The following MAD1L1 variants were observed in gnomAD, a reference collection of about 807,000 sequenced individuals.
MAD1L1 encodes the protein mitotic arrest deficient 1 like 1.
A neutral mutation model predicts 96.9 loss-of-function variants in MAD1L1; 95 were observed. That is an observed-to-expected ratio of 0.98 (90% confidence interval 0.83 to 1.16). The LOEUF (loss-of-function observed/expected upper bound fraction) is 1.16. MAD1L1 is among the 50% of genes most tolerant of loss of function. The probability of loss-of-function intolerance (pLI) is 0.00; values close to 1 mark genes in which losing one functional copy is unlikely to be tolerated. For synonymous variants in MAD1L1, 473 were observed against 396.6 expected, an observed-to-expected ratio of 1.19 and a Z score of -2.29; for missense variants, 1,007 against 954.4, an observed-to-expected ratio of 1.06 and a Z score of -0.73.
intron 15 of MAD1L1, among the ~76,000 whole-genome samples, chr7:1,965,564 G>C (rs1214797655): frequency 6.6e-6 from 1 of 152,248 alleles, no homozygotes; most frequent in African/African-American, 2.4e-5. Context: ...GGCCGGAAAA[G>C]AAAGCCACTG....
intron 15 of MAD1L1, among the ~76,000 whole-genome samples, chr7:1,979,456 T>C (rs1378529922): frequency 1.3e-5 from 2 of 152,216 alleles, no homozygotes; most frequent in African/African-American, 2.4e-5. Flanking sequence ...TCTGGCAGGA[T>C]ACTCGGGTTG....
At chr7:2,188,152 C>T (rs958054394) in intron 10 of MAD1L1, among the ~76,000 whole-genome samples, 6 of 152,188 alleles carry the variant, frequency 3.9e-5, no homozygotes, top group Non-Finnish European at 8.8e-5. Context: ...ATTCAAAGTG[C>T]AAGAGACCAA....
At chr7:2,158,214 G>C (rs1789933520) in intron 10 of MAD1L1, among the ~76,000 whole-genome samples, 1 of 152,246 alleles carries the variant, frequency 6.6e-6, no homozygotes, top group Non-Finnish European at 1.5e-5. Context: ...GCTGTGGGGA[G>C]TCCGGCCTAC....
chr7:1,906,412 G>A (rs1464948789), intron 17 of MAD1L1, among the ~76,000 whole-genome samples: 1 of 152,200 alleles, frequency 6.6e-6, no homozygotes, highest in Non-Finnish European at 1.5e-5. Context: ...GGCTGCCACT[G>A]CAGCTGCATC....
chr7:2,081,159 G>C (rs1320785435), intron 11 of MAD1L1, among the ~76,000 whole-genome samples: 1 of 152,072 alleles, frequency 6.6e-6, no homozygotes, highest in Non-Finnish European at 1.5e-5. Flanking sequence ...CCAGCGGGAA[G>C]GGTGTTTGGA....
intron 17 of MAD1L1, among the ~76,000 whole-genome samples, chr7:1,935,233 G>A (rs1045078882): frequency 1.3e-5 from 2 of 152,266 alleles, no homozygotes; most frequent in African/African-American, 2.4e-5. Flanking sequence ...GCAGAATGCA[G>A]GGCGGAGAGG....
chr7:2,070,735 A>G (rs146063646), intron 11 of MAD1L1, among the ~76,000 whole-genome samples: 1 of 152,376 alleles, frequency 6.6e-6, no homozygotes, highest in East Asian at 1.9e-4. Context: ...CAGGGACCAC[A>G]GCCCTGTGAG....
chr7:1,859,612 G>A (rs187344085), intron 18 of MAD1L1, among the ~76,000 whole-genome samples: 38 of 152,300 alleles, frequency 2.5e-4, no homozygotes, highest in African/African-American at 9.1e-4. Flanking sequence ...AGCAAGGAGT[G>A]GATGCCAGTG....
In MAD1L1 at chr7:2,125,254, C is replaced by T. The variant is rs1376275887; in HGVS notation, c.1073+23898G>A. Among the ~76,000 whole-genome samples, 6 of 151,968 alleles carry T rather than the reference C, an allele frequency of 3.9e-5. No individual in the cohort carries two copies. The South Asian group carries it at 1.0e-3, about 26-fold the overall frequency. On this transcript the variant is annotated intron_variant, in intron 11 of 18. Coordinates refer to ENST00000265854, the MANE Select transcript of MAD1L1 (RefSeq NM_001013836.2). ...GTCCTGGACCCAAGGGTGGGGGCGG[C>T]GCCACGAGGCAGGTGCTGACAAGGT... is the stretch of plus-strand genomic sequence containing the variant.
At chr7:1,974,168 G>T (rs1226426780) in intron 15 of MAD1L1, among the ~76,000 whole-genome samples, 1 of 152,208 alleles carries the variant, frequency 6.6e-6, no homozygotes, top group Non-Finnish European at 1.5e-5. Context: ...GCCCCCAGGA[G>T]CTGGCAGCAC....
Position 1,840,718 on chromosome 7 carries a change from G to A in MAD1L1, c.1999-24490C>T, listed in dbSNP as rs539626217. The stretch of plus-strand genomic sequence containing the variant: ...CACTCCAGCCTGGGCAACAGAATGA[G>A]ACTCCATCTGACAACAAAACAAAAC... On this transcript the variant is annotated intron_variant, in intron 18 of 18. Transcript: ENST00000265854. Among the ~76,000 whole-genome samples, 6 of 152,340 alleles carry A rather than the reference G, an allele frequency of 3.9e-5. No individual in the cohort carries two copies. The South Asian group carries it at 1.2e-3, about 32-fold the overall frequency.
chr7:2,074,049 G>T (rs1329741954), intron 11 of MAD1L1, among the ~76,000 whole-genome samples: 5 of 152,182 alleles, frequency 3.3e-5, no homozygotes, highest in Non-Finnish European at 7.3e-5. Context: ...TGCTCGCCAA[G>T]AACCATGTCC....
chr7:2,167,740 A>AC (rs1482452450), intron 10 of MAD1L1, among the ~76,000 whole-genome samples: 9 of 151,740 alleles, frequency 5.9e-5, no homozygotes, highest in Admixed American at 2.0e-4. Context: ...TAAAAAAAAA[A>AC]ACACAATATT....
In MAD1L1 at chr7:1,833,942, G is replaced by A. The variant is rs575917030; in HGVS notation, c.1999-17714C>T. ...AGCCTGGGTGACAGAATGAGACTCC[G>A]TCTCCAAAAAAAGTAGAAGGATTTA... On this transcript the variant is annotated intron_variant, in intron 18 of 18. Coordinates refer to ENST00000265854, the MANE Select transcript of MAD1L1 (RefSeq NM_001013836.2). 6.6e-5 allele frequency among the ~76,000 whole-genome samples: 10 copies of A among 152,210 alleles called. 1 individual carries two copies. The South Asian group carries it at 1.2e-3, about 19-fold the overall frequency.
At chr7:1,997,846 G>A (rs2128491175) in intron 14 of MAD1L1, among the ~76,000 whole-genome samples, 1 of 152,356 alleles carries the variant, frequency 6.6e-6, no homozygotes, top group South Asian at 2.1e-4. Context: ...CATGGCAAGA[G>A]GGGCACACAG....
chr7:2,195,665 G>A (rs926715669), intron 10 of MAD1L1, among the ~76,000 whole-genome samples: 1 of 152,174 alleles, frequency 6.6e-6, no homozygotes, highest in African/African-American at 2.4e-5. Context: ...CCACCTCCGC[G>A]AACAAGATAG....
chr7:2,115,956 C>T (rs906983281), intron 11 of MAD1L1, among the ~76,000 whole-genome samples: 8 of 151,880 alleles, frequency 5.3e-5, no homozygotes, highest in Non-Finnish European at 1.0e-4. Flanking sequence ...ACACAGAATG[C>T]GGCTGCGCTG....
chr7:2,075,793 C>G (rs1785346158), intron 11 of MAD1L1, among the ~76,000 whole-genome samples: 1 of 152,230 alleles, frequency 6.6e-6, no homozygotes, highest in African/African-American at 2.4e-5. Context: ...TAACGACCTT[C>G]CTCAAGACAC....
Position 2,116,319 on chromosome 7 carries a change from C to T in MAD1L1, c.1073+32833G>A, listed in dbSNP as rs530184945. On this transcript the variant is annotated intron_variant, in intron 11 of 18. Coordinates refer to ENST00000265854, the MANE Select transcript of MAD1L1 (RefSeq NM_001013836.2). ...CGAACAAGACTCAGGCCTGACTCAT[C>T]TCATATTCCTGAAGCACCTAAAGTG... 3.0e-4 allele frequency among the ~76,000 whole-genome samples: 45 copies of T among 152,336 alleles called. 1 individual carries two copies. In the South Asian group the frequency reaches 9.3e-3, roughly 32 times the overall value.
Sources: gnomAD v4.1 joint callset for allele counts (sites outside exome capture counted in the v4.1 genomes callset) on GRCh38, gnomAD v4.1.1 for gene constraint, MANE v1.5 for transcripts, NCBI Gene and HGNC (gene_info 2026-07-23, HGNC 2026-07-21) for gene names.